Variants in PPP1R9A observed in about 807,000 individuals in gnomAD.
PPP1R9A encodes protein phosphatase 1 regulatory subunit 9A, also known as neurabin-1.
Under a neutral mutation model 141.9 loss-of-function variants are expected in PPP1R9A, and 59 were observed. The ratio of observed to expected loss-of-function variants is 0.42; its 90% CI spans 0.34 to 0.52. The LOEUF (loss-of-function observed/expected upper bound fraction) is 0.52, where lower values mean the gene tolerates loss of function less well. Among genes scored for constraint, PPP1R9A ranks in the 20% least tolerant of loss-of-function variants. The pLI, the probability that PPP1R9A is intolerant of heterozygous loss-of-function variation, is 0.10. For synonymous variants in PPP1R9A, 500 were observed against 569.7 expected (o/e 0.88, Z 1.74); for missense variants, 1,444 against 1,611.9 (o/e 0.90, Z 1.78).
At chr7:94,965,057 G>A (rs899588330) in intron 2 of PPP1R9A, among the ~76,000 whole-genome samples, 35 of 152,144 alleles carry the variant, frequency 2.3e-4, no homozygotes, top group Non-Finnish European at 4.6e-4. Context: ...GTTTTCATTT[G>A]TATTTCTCTA....
chr7:95,091,255 T>A (rs1177088557), intron 2 of PPP1R9A, among the ~76,000 whole-genome samples: 1 of 151,676 alleles, frequency 6.6e-6, no homozygotes, highest in Non-Finnish European at 1.5e-5. Context: ...AATATTTTTG[T>A]CCCCCAGAAA....
At chr7:95,129,769 A>G (rs1824244795) in intron 4 of PPP1R9A, among the ~76,000 whole-genome samples, 1 of 152,188 alleles carries the variant, frequency 6.6e-6, no homozygotes, top group East Asian at 1.9e-4. Flanking sequence ...AACTGGAGCA[A>G]AGGTGATTCT....
chr7:95,202,359 A>T (rs763796340), intron 6 of PPP1R9A, among the ~76,000 whole-genome samples: 5 of 152,090 alleles, frequency 3.3e-5, no homozygotes, highest in Non-Finnish European at 7.4e-5. Flanking sequence ...CTGATTAAAA[A>T]AAAATGTTAA....
At chr7:95,263,323 AAGATT>A (rs1800715144) in intron 12 of PPP1R9A, among the ~76,000 whole-genome samples, 1 of 152,212 alleles carries the variant, frequency 6.6e-6, no homozygotes, top group Non-Finnish European at 1.5e-5. Flanking sequence ...CATTGCAAAT[AAGATT>A]AAAGTACCCT....
intron 2 of PPP1R9A, among the ~76,000 whole-genome samples, chr7:95,101,811 G>A (rs11975055): frequency 0.018 from 2,712 of 151,878 alleles, 88 homozygotes; most frequent in African/African-American, 0.062. Flanking sequence ...TTTTTTTCCC[G>A]TAGTTTTGCA....
chr7:95,127,828 G>C (rs1823844790), intron 4 of PPP1R9A, among the ~76,000 whole-genome samples: 1 of 152,096 alleles, frequency 6.6e-6, no homozygotes, highest in Non-Finnish European at 1.5e-5. Flanking sequence ...TTTCATCCTT[G>C]TTGCTGTGAA....
chr7:95,100,942 T>C (rs1251161282), intron 2 of PPP1R9A, among the ~76,000 whole-genome samples: 1 of 130,766 alleles, frequency 7.6e-6, no homozygotes, highest in Non-Finnish European at 1.6e-5. Context: ...AAGCTCCGCC[T>C]CCCGGGTTCA....
At chr7:95,171,653 T>A (rs1743058560) in intron 5 of PPP1R9A, among the ~76,000 whole-genome samples, 1 of 151,508 alleles carries the variant, frequency 6.6e-6, no homozygotes, top group South Asian at 2.1e-4. Flanking sequence ...CAAGAAAAAA[T>A]TGTTTATGTG....
At position 95,170,297 on chromosome 7, in the gene PPP1R9A, G is replaced by A. The variant is rs547205085; in HGVS notation, c.1754+8326G>A. Among the ~76,000 whole-genome samples the A allele has an allele frequency of 2.6e-4, 39 of 151,636 alleles. 1 individual carries two copies. The South Asian group carries it at 7.9e-3, about 31-fold the overall frequency. On this transcript the variant is annotated intron_variant, in intron 5 of 19. Coordinates refer to ENST00000433360, the MANE Select transcript of PPP1R9A (RefSeq NM_001166160.2). The stretch of plus-strand genomic sequence containing the variant: ...CTCAGAAGGTTAGAATGAGAGAGGT[G>A]CTAGAAAAGATAACTGAAGAGATAA...
intron 2 of PPP1R9A, chr7:95,037,070 C>CT (rs1808524969): frequency 6.6e-6 from 1 of 152,086 alleles, no homozygotes; most frequent in Admixed American, 6.5e-5. Context: ...GAGATACATA[C>CT]TGAAGTATTC....
Position 95,101,095 on chromosome 7 carries a change from G to C in PPP1R9A, c.1396-10164G>C, listed in dbSNP as rs1001367126. On this transcript the variant is annotated intron_variant, in intron 2 of 19. Transcript: ENST00000433360. ...TCTCGATCTCCTGACCTCGTGATCC[G>C]CCCGCCTCGGCCTCCCAAAGTGCTG... Among the ~76,000 whole-genome samples the C allele has an allele frequency of 1.1e-3, 164 of 151,750 alleles. 1 individual carries two copies. The highest frequency in any genetic ancestry group is 3.6e-3 in the African/African-American group (151 of 41,406).
chr7:95,256,016 G>A (rs1369494847), intron 12 of PPP1R9A, among the ~76,000 whole-genome samples: 2 of 152,116 alleles, frequency 1.3e-5, no homozygotes, highest in Non-Finnish European at 2.9e-5. Context: ...TACTCAGTGA[G>A]TGGACCACCA....
At chr7:95,024,603 CT>C (rs1003083296) in intron 2 of PPP1R9A, among the ~76,000 whole-genome samples, 3 of 150,930 alleles carry the variant, frequency 2.0e-5, no homozygotes, top group African/African-American at 7.3e-5. Flanking sequence ...GCAACCTCTG[CT>C]TTTTTTTTGT....
chr7:95,050,952 T>A (rs1483204623), intron 2 of PPP1R9A, among the ~76,000 whole-genome samples: 2 of 152,344 alleles, frequency 1.3e-5, no homozygotes, highest in East Asian at 3.9e-4. Context: ...CTGGCACAAG[T>A]AAATTTTAAT....
chr7:95,216,845 T>A (rs534240709), intron 7 of PPP1R9A, among the ~76,000 whole-genome samples: 1 of 152,348 alleles, frequency 6.6e-6, no homozygotes, highest in Non-Finnish European at 1.5e-5. Flanking sequence ...TGAAGTTGTT[T>A]ATCAGCTTAA....
In PPP1R9A at chr7:94,910,028, C is replaced by G. The variant is rs1327871417; in HGVS notation, c.-86C>G. On this transcript the variant is annotated 5_prime_UTR_variant, in exon 2 of 20. Coordinates refer to ENST00000433360, the MANE Select transcript of PPP1R9A (RefSeq NM_001166160.2). The surrounding 1 kb of genome is among the most constrained non-coding windows in gnomAD (Gnocchi z 4.5). ...GAGAGGTACTTTTCTTGACCCAATA[C>G]TGGTGATTAGAGAAGAGAGGTATCT... 4.2e-6 allele frequency: 5 copies of G among 1,193,880 alleles called. No homozygotes were observed. The African/African-American group carries it at 6.1e-5, about 15-fold the overall frequency. The allele number at this position is 1,193,880 out of a possible 1,614,324, so 74.0% of individuals were successfully genotyped here.
In PPP1R9A at chr7:94,944,562, A is replaced by T. The variant is rs181375075; in HGVS notation, c.1395+33054A>T. ...GGGGGAAGAGGGCACCTCGTTTCTT[A>T]TAAAACTGTAGAGTTAAACTGACTA... On this transcript the variant is annotated intron_variant, in intron 2 of 19. Coordinates refer to ENST00000433360, the MANE Select transcript of PPP1R9A (RefSeq NM_001166160.2). Among the ~76,000 whole-genome samples the T allele has an allele frequency of 3.7e-3, 558 of 148,978 alleles. 3 individuals are homozygous for T. The highest frequency in any genetic ancestry group is 0.013 in the African/African-American group (523 of 40,552).
At chr7:95,122,023 G>A (rs146927221) in intron 4 of PPP1R9A, among the ~76,000 whole-genome samples, 219 of 152,062 alleles carry the variant, frequency 1.4e-3, no homozygotes, top group African/African-American at 5.2e-3. Flanking sequence ...GTTGTTTTAT[G>A]TACATTTAAT....
chr7:94,968,717 T>C (rs939201243), intron 2 of PPP1R9A, among the ~76,000 whole-genome samples: 1 of 152,116 alleles, frequency 6.6e-6, no homozygotes, highest in Non-Finnish European at 1.5e-5. Flanking sequence ...TTCTCCTGGA[T>C]AATATCCTAA....
Sources: allele counts gnomAD v4.1 joint callset (sites outside exome capture counted in the v4.1 genomes callset), GRCh38; gene constraint gnomAD v4.1.1; non-coding constraint Gnocchi (gnomAD v3.1); transcripts MANE v1.5; gene names NCBI Gene and HGNC (gene_info 2026-07-23, HGNC 2026-07-21).